Variants in SLC35E1 observed in about 807,000 individuals in gnomAD.
The protein encoded by SLC35E1 is solute carrier family 35 member E1.
In SLC35E1, 12 loss-of-function variants were observed where a neutral mutation model predicts 31.0. That is an observed-to-expected ratio of 0.39 (90% CI 0.25 to 0.63). The LOEUF (loss-of-function observed/expected upper bound fraction) is 0.63. SLC35E1 is among the 20% of genes least tolerant of loss of function. SLC35E1 has a pLI of 0.52. For missense variants in SLC35E1, 429 were observed against 572.2 expected, an observed-to-expected ratio of 0.75 and a Z score of 2.55; for synonymous variants, 257 against 264.1, an observed-to-expected ratio of 0.97 and a Z score of 0.26.
At chr19:16,558,065 T>TA (rs200621663) in intron 4 of SLC35E1, among the ~76,000 whole-genome samples, 24 of 151,720 alleles carry the variant, frequency 1.6e-4, no homozygotes, top group Admixed American at 4.6e-4. Context: ...TTTTTTGAGA[T>TA]AGAGTTTTGC....
At position 16,552,306 on chromosome 19, in the gene SLC35E1, G is replaced by A. The variant is rs977384512; in HGVS notation, c.*1373C>T. 1 of 151,436 alleles carries A rather than the reference G, an allele frequency of 6.6e-6. No homozygotes were observed. Among genetic ancestry groups the A allele is most frequent in the Non-Finnish European group, 1.5e-5 (1 of 67,892 alleles). 9.4% of individuals were successfully genotyped at this position (151,436 alleles called of 1,614,324 possible). The stretch of plus-strand genomic sequence containing the variant: ...TTCATTTCCTACTAAATACCAAAAC[G>A]TGTCAGACAGGCATCACCAGTGGGA... On this transcript the variant is annotated 3_prime_UTR_variant, in exon 6 of 6. Coordinates refer to ENST00000595753, the MANE Select transcript of SLC35E1 (RefSeq NM_024881.5).
Position 16,553,723 on chromosome 19 carries a change from G to A in SLC35E1, c.1189C>T (p.Gln397Ter), listed in dbSNP as rs1372597813. ...AAACTGTACGAGTTTGGGTAGCTCT[G>A]CCGGCTGTATTGGAAGTGGTCTGTT... Reference protein sequence around the residue: ...ILTDHFQYSRQSYPNSYSLNR... With the variant: ...ILTDHFQYSR Residue 397 changes from glutamine to a stop codon, truncating the protein, a stop_gained, in exon 6 of 6, where the codon CAG (glutamine) becomes TAG (stop). Transcript: ENST00000595753. LOFTEE classifies it high-confidence loss of function. The A allele has an allele frequency of 7.5e-6, 12 of 1,599,240 alleles. No individual in the cohort carries two copies. The highest frequency in any genetic ancestry group is 1.0e-5 in the Non-Finnish European group (12 of 1,170,028).
chr19:16,556,604 A>G (rs549212731), intron 4 of SLC35E1, among the ~76,000 whole-genome samples: 2 of 152,336 alleles, frequency 1.3e-5, no homozygotes, highest in Admixed American at 6.5e-5. Context: ...ACTAGCAGAC[A>G]TCGGGACCAT....
At chr19:16,561,214 A>AG in intron 4 of SLC35E1, among the ~76,000 whole-genome samples, 1 of 29,588 alleles carries the variant, frequency 3.4e-5, no homozygotes, top group African/African-American at 7.9e-5. Flanking sequence ...ACTCCATCTC[A>AG]AAAAAAAAAA....
In SLC35E1 at chr19:16,552,783, G is replaced by T. The variant is rs1004938244; in HGVS notation, c.*896C>A. 6.6e-6 allele frequency: 1 copy of T among 151,860 alleles called. No individual in the cohort carries two copies. The highest frequency in any genetic ancestry group is 2.4e-5 in the African/African-American group (1 of 41,286). The allele number at this position is 151,860 out of a possible 1,614,324, so 9.4% of individuals were successfully genotyped here. A position where few individuals can be genotyped will look rare whatever the true frequency, so the allele number is the denominator to read the frequency against. On this transcript the variant is annotated 3_prime_UTR_variant, in exon 6 of 6. Transcript: ENST00000595753. ...AAATGCAAGATCCTCCGAAAATCAA[G>T]ATCTCTCTACCAAACAACATACCAA...
In SLC35E1 at chr19:16,555,609, T is replaced by A; in HGVS notation, c.757-212A>T. 1.7e-6 allele frequency: 1 copy of A among 581,992 alleles called. No homozygotes were observed. Among genetic ancestry groups the A allele is most frequent in the Non-Finnish European group, 2.9e-6 (1 of 339,946 alleles). The allele number at this position is 581,992 out of a possible 1,614,324, so 36.1% of individuals were successfully genotyped here. A position where few individuals can be genotyped will look rare whatever the true frequency, so the allele number is the denominator to read the frequency against. ...CTCATGACACCACACAGCATGGGAA[T>A]CACCCGCCGTCTCCTGCCAAGGAAA... On this transcript the variant is annotated intron_variant, in intron 4 of 5. Transcript: ENST00000595753. The surrounding 1 kb of genome is among the most constrained non-coding windows in gnomAD (Gnocchi z 4.1).
chr19:16,561,901 A>G (rs867427806), intron 4 of SLC35E1, among the ~76,000 whole-genome samples: 22 of 152,154 alleles, frequency 1.4e-4, no homozygotes, highest in Non-Finnish European at 2.5e-4. Context: ...GTTAAAAAAC[A>G]TATGGGCCAA....
At chr19:16,569,871 T>G (rs1428724537) in intron 2 of SLC35E1, among the ~76,000 whole-genome samples, 1 of 152,094 alleles carries the variant, frequency 6.6e-6, no homozygotes, top group Non-Finnish European at 1.5e-5. Flanking sequence ...TAAGGAGAGA[T>G]AGGAGAGGTG....
rs568268598 is a variant in SLC35E1, at chr19:16,554,013, C to T, written c.1003-104G>A. The T allele has an allele frequency of 6.8e-6, 7 of 1,022,214 alleles. No homozygotes were observed. In the East Asian group the frequency reaches 2.0e-4, roughly 29 times the overall value. The allele number at this position is 1,022,214 out of a possible 1,614,324, so 63.3% of individuals were successfully genotyped here. A position where few individuals can be genotyped will look rare whatever the true frequency, so the allele number is the denominator to read the frequency against. On this transcript the variant is annotated intron_variant, in intron 5 of 5. Transcript: ENST00000595753. ...GCTGCGGTGGCTCACACCTGTAATC[C>T]CAGCACTTTGGGAGGTCGAGGCGGG...
chr19:16,566,289 A>G (rs1330022646), intron 4 of SLC35E1: 4 of 490,012 alleles, frequency 8.2e-6, no homozygotes, highest in African/African-American at 2.0e-5. Flanking sequence ...CTACTGGCGC[A>G]CACACAGCAG....
intron 2 of SLC35E1, 148 bp from the exon 3 acceptor site, chr19:16,568,317 C>T (rs762574485): frequency 2.6e-5 from 29 of 1,136,334 alleles, no homozygotes; most frequent in Non-Finnish European, 3.2e-5. Context: ...GCCAGTGACG[C>T]TCTGGTGGGT....
At position 16,555,461 on chromosome 19, in the gene SLC35E1, C is replaced by A. The variant is rs879533699; in HGVS notation, c.757-64G>T. 4.0e-5 allele frequency: 64 copies of A among 1,582,320 alleles called. No homozygotes were observed. The African/African-American group carries it at 6.7e-4, about 17-fold the overall frequency. On this transcript the variant is annotated intron_variant, in intron 4 of 5. Coordinates refer to ENST00000595753, the MANE Select transcript of SLC35E1 (RefSeq NM_024881.5). The surrounding 1 kb of genome is among the most constrained non-coding windows in gnomAD (Gnocchi z 4.1). Reference sequence around the variant, plus strand: ...CAGCGGTGACCCTGCCTCCCTGTATCCACCTGGCAGGGTTAGGGGAAGGGA... The same window carrying A: ...CAGCGGTGACCCTGCCTCCCTGTATACACCTGGCAGGGTTAGGGGAAGGGA...
chr19:16,570,969 A>G (rs956100055), intron 2 of SLC35E1, among the ~76,000 whole-genome samples: 1 of 151,928 alleles, frequency 6.6e-6, no homozygotes, highest in African/African-American at 2.4e-5. Flanking sequence ...GTGGTAGTGC[A>G]CGTCTGTAGT....
intron 2 of SLC35E1, among the ~76,000 whole-genome samples, chr19:16,570,174 T>C (rs1345549477): frequency 6.6e-6 from 1 of 152,200 alleles, no homozygotes; most frequent in Non-Finnish European, 1.5e-5. Flanking sequence ...CTGGGTACAA[T>C]GTCCCGTACA....
At chr19:16,564,061 C>A (rs745984686) in intron 4 of SLC35E1, 1 of 152,242 alleles carries the variant, frequency 6.6e-6, no homozygotes, top group Non-Finnish European at 1.5e-5. Context: ...TAATTTTTCA[C>A]AGTAAAGGCC....
At chr19:16,566,348 A>G (rs2122344914) in intron 4 of SLC35E1, 184 bp downstream of exon 4, 1 of 733,056 alleles carries the variant, frequency 1.4e-6, no homozygotes, top group East Asian at 2.9e-5. Context: ...TACACAGGAA[A>G]CCCACTTCCT....
Position 16,556,607 on chromosome 19 carries a change from G to A in SLC35E1, c.757-1210C>T, listed in dbSNP as rs531635133. ...TAAGAAATCACAACTAGCAGACATCGGGACCATGGAATCCCCCAAAGAGCC... is the reference window on the plus strand; with the variant it reads ...TAAGAAATCACAACTAGCAGACATCAGGACCATGGAATCCCCCAAAGAGCC... On this transcript the variant is annotated intron_variant, in intron 4 of 5. Transcript: ENST00000595753. Among the ~76,000 whole-genome samples, 11 of 152,306 alleles carry A rather than the reference G, an allele frequency of 7.2e-5. No individual in the cohort carries two copies. In the East Asian group the frequency reaches 1.5e-3, roughly 21 times the overall value.
At chr19:16,554,711 G>T (rs191107133) in intron 5 of SLC35E1, among the ~76,000 whole-genome samples, 1 of 151,816 alleles carries the variant, frequency 6.6e-6, no homozygotes, top group Non-Finnish European at 1.5e-5. Flanking sequence ...CCAGCTACTC[G>T]GGAGGCTGAG....
chr19:16,554,893 C>A (rs773241183), intron 5 of SLC35E1, among the ~76,000 whole-genome samples: 1 of 151,802 alleles, frequency 6.6e-6, no homozygotes, highest in Non-Finnish European at 1.5e-5. Context: ...GTCCTTACAC[C>A]GCACTAAACA....
Sources: allele counts gnomAD v4.1 joint callset (sites outside exome capture counted in the v4.1 genomes callset), GRCh38; gene constraint gnomAD v4.1.1; non-coding constraint Gnocchi (gnomAD v3.1); transcripts MANE v1.5; gene names NCBI Gene and HGNC (gene_info 2026-07-23, HGNC 2026-07-21).